The following ADAM2 variants were observed in gnomAD, a reference collection of about 807,000 sequenced individuals.
ADAM2 encodes the protein disintegrin and metalloproteinase domain-containing protein 2.
In ADAM2, 101 loss-of-function variants were observed where a neutral mutation model predicts 99.3. The observed-to-expected ratio is 1.02, with a 90% CI of 0.87 to 1.20. The LOEUF (loss-of-function observed/expected upper bound fraction) is 1.20. Among genes scored for constraint, ADAM2 ranks in the 50% most tolerant of loss-of-function variants. ADAM2 has a pLI of 0.00. For synonymous variants in ADAM2, 323 were observed against 287.6 expected (o/e 1.12, Z -1.25); for missense variants, 948 against 878.7 (o/e 1.08, Z -1.00).
chr8:39,836,871 G>A (rs1805845924), intron 2 of ADAM2, among the ~76,000 whole-genome samples: 1 of 152,106 alleles, frequency 6.6e-6, no homozygotes, highest in African/African-American at 2.4e-5. Context: ...GAACAATCAA[G>A]CCAATGATTA....
intron 10 of ADAM2, among the ~76,000 whole-genome samples, chr8:39,782,165 G>A (rs1803261378): frequency 6.6e-6 from 1 of 152,104 alleles, no homozygotes; most frequent in Admixed American, 6.5e-5. Flanking sequence ...TCTTGAAGAT[G>A]TCTCTTTTTA....
At chr8:39,777,904 TAA>T (rs1803061780) in intron 10 of ADAM2, among the ~76,000 whole-genome samples, 1 of 151,288 alleles carries the variant, frequency 6.6e-6, no homozygotes, top group South Asian at 2.1e-4. Context: ...TATAAACTCA[TAA>T]GTTAACTCAC....
intron 6 of ADAM2, among the ~76,000 whole-genome samples, chr8:39,816,646 G>A (rs2129587686): frequency 6.6e-6 from 1 of 152,280 alleles, no homozygotes; most frequent in Non-Finnish European, 1.5e-5. Flanking sequence ...GTACTGATGA[G>A]CTTTGACCAC....
chr8:39,812,644 T>G (rs1347057697), intron 6 of ADAM2, among the ~76,000 whole-genome samples: 1 of 152,182 alleles, frequency 6.6e-6, no homozygotes, highest in Non-Finnish European at 1.5e-5. Flanking sequence ...CATCTGATCT[T>G]TGACAAACCT....
At position 39,821,147 on chromosome 8, in the gene ADAM2, A is replaced by C; in HGVS notation, c.368T>G (p.Val123Gly). The change falls in exon 6 of 21, where the codon GTT becomes GGT. Residue 123 changes from valine (V) to glycine (G), a missense_variant. By Grantham distance (109) the Val-to-Gly change is moderately radical. Coordinates refer to ENST00000265708, the MANE Select transcript of ADAM2 (RefSeq NM_001464.5). ...CTCCAGGGGTTCTATTCCATAACTA[A>C]CATTTTCAAACTGTAGTACGCCCCT... ...GLRGVLQFEN[V>G]SYGIEPLESS... The C allele has an allele frequency of 6.2e-7, 1 of 1,600,442 alleles. No individual in the cohort carries two copies. Among genetic ancestry groups the C allele is most frequent in the Non-Finnish European group, 8.5e-7 (1 of 1,175,076 alleles).
At chr8:39,828,638 T>C (rs1170868371) in intron 3 of ADAM2, among the ~76,000 whole-genome samples, 2 of 151,820 alleles carry the variant, frequency 1.3e-5, no homozygotes, top group Admixed American at 6.6e-5. Context: ...AAACACCTAT[T>C]ATAAAGTCAT....
chr8:39,838,022 G>T, intron 1 of ADAM2, 109 bp downstream of exon 1: 1 of 1,244,602 alleles, frequency 8.0e-7, no homozygotes, highest in East Asian at 2.4e-5. Context: ...TTGCTGAGTT[G>T]GAAACCCCTC....
chr8:39,795,675 G>T (rs1803907589), intron 7 of ADAM2, among the ~76,000 whole-genome samples: 1 of 152,068 alleles, frequency 6.6e-6, no homozygotes, highest in Non-Finnish European at 1.5e-5. Context: ...CAACCACCAT[G>T]GGCACAAGTC....
chr8:39,768,559 C>A (rs1441889437), intron 12 of ADAM2, among the ~76,000 whole-genome samples: 2 of 152,136 alleles, frequency 1.3e-5, no homozygotes, highest in Non-Finnish European at 2.9e-5. Flanking sequence ...ACTTAAATAT[C>A]GACCTGGATT....
Position 39,777,133 on chromosome 8 carries a change from A to G in ADAM2, c.920T>C (p.Leu307Pro), listed in dbSNP as rs760552405. The G allele has an allele frequency of 6.2e-7, 1 of 1,611,744 alleles. No homozygotes were observed. The highest frequency in any genetic ancestry group is 8.5e-7 in the Non-Finnish European group (1 of 1,178,448). The stretch of plus-strand genomic sequence containing the variant: ...CAATAATTGAGCTAAAATAACTGCA[A>G]GTGATTCCAGACTTATGGTTCTGGG... ...LHPRTISLES[L>P]AVILAQLLSL... The change falls in exon 11 of 21, where the codon CTT becomes CCT. Residue 307 changes from leucine to proline, a missense_variant. Transcript: ENST00000265708.
At chr8:39,821,715 A>G in intron 4 of ADAM2, 53 bp from the exon 5 acceptor site, 1 of 1,221,888 alleles carries the variant, frequency 8.2e-7, no homozygotes, top group Non-Finnish European at 1.2e-6. Flanking sequence ...TTACAGATAC[A>G]ATTTTCAAAT....
intron 19 of ADAM2, among the ~76,000 whole-genome samples, chr8:39,745,110 T>G (rs889645328): frequency 2.7e-4 from 41 of 152,106 alleles, no homozygotes; most frequent in African/African-American, 9.7e-4. Flanking sequence ...AAAAGCACAG[T>G]GATATATGTT....
At chr8:39,826,984 T>C (rs1451338745) in intron 3 of ADAM2, among the ~76,000 whole-genome samples, 1 of 151,722 alleles carries the variant, frequency 6.6e-6, no homozygotes. Context: ...GGAGAAAAGA[T>C]TTGCCAACTA....
intron 6 of ADAM2, among the ~76,000 whole-genome samples, chr8:39,813,906 T>G (rs1804809898): frequency 6.6e-6 from 1 of 151,640 alleles, no homozygotes; most frequent in Non-Finnish European, 1.5e-5. Flanking sequence ...ACCCTAGAAC[T>G]TAAAGTATAA....
chr8:39,754,619 G>GT (rs908147206), intron 16 of ADAM2, among the ~76,000 whole-genome samples: 1 of 152,112 alleles, frequency 6.6e-6, no homozygotes, highest in Non-Finnish European at 1.5e-5. Context: ...TTGAATGACA[G>GT]TTTTTTTATT....
chr8:39,793,757 A>G (rs1006286329), intron 7 of ADAM2, among the ~76,000 whole-genome samples: 2 of 152,124 alleles, frequency 1.3e-5, no homozygotes, highest in African/African-American at 4.8e-5. Context: ...AGAGAACATA[A>G]AAATATAAAG....
chr8:39,755,429 C>T (rs1373887562), intron 16 of ADAM2, among the ~76,000 whole-genome samples: 1 of 152,214 alleles, frequency 6.6e-6, no homozygotes, highest in Non-Finnish European at 1.5e-5. Flanking sequence ...AATCCCAGCA[C>T]TTCAGGAGGC....
chr8:39,752,485 C>T (rs1267468314), intron 16 of ADAM2, among the ~76,000 whole-genome samples: 1 of 152,158 alleles, frequency 6.6e-6, no homozygotes, highest in African/African-American at 2.4e-5. Context: ...CTGAAGGATG[C>T]AGCACAGATT....
chr8:39,807,747 AAAGAAAACCT>A lies in ADAM2; in HGVS notation c.570+1653_570+1662del, dbSNP rs1439930393. 2.0e-5 allele frequency among the ~76,000 whole-genome samples: 3 copies of A among 152,290 alleles called. No individual in the cohort carries two copies. The East Asian group carries it at 5.8e-4, about 29-fold the overall frequency. ...AATAAATATACTACACTATATATAC[AAAGAAAACCT>A]AAGAAAACTGTTAGCAAGCTGAAGC... On this transcript the variant is annotated intron_variant, in intron 7 of 20. Coordinates refer to ENST00000265708, the MANE Select transcript of ADAM2 (RefSeq NM_001464.5).
Sources: gnomAD v4.1 joint callset for allele counts (sites outside exome capture counted in the v4.1 genomes callset) on GRCh38, gnomAD v4.1.1 for gene constraint, MANE v1.5 for transcripts, NCBI Gene and HGNC (gene_info 2026-07-23, HGNC 2026-07-21) for gene names.